OMA1: variants seen among roughly 807,000 people sequenced by gnomAD.
The protein encoded by OMA1 is OMA1 zinc metallopeptidase, also known as metalloendopeptidase OMA1, mitochondrial.
In OMA1, 38 loss-of-function variants were observed where a neutral mutation model predicts 30.9. The observed-to-expected ratio is 1.23, with a 90% CI of 0.95 to 1.61. OMA1 has a LOEUF of 1.61. Among genes scored for constraint, OMA1 ranks in the 40% most tolerant of loss-of-function variants. OMA1 has a pLI of 0.00. For missense variants in OMA1, 461 were observed against 349.2 expected (o/e 1.32, Z -2.55); for synonymous variants, 173 against 121.9 (o/e 1.42, Z -2.76).
chr1:58,531,384 A>G (rs1450468141), intron 5 of OMA1, among the ~76,000 whole-genome samples: 2 of 152,216 alleles, frequency 1.3e-5, no homozygotes, highest in Non-Finnish European at 2.9e-5. Context: ...ATCAGGTTCT[A>G]TGAATTTTTG....
Position 58,538,898 on chromosome 1 carries a change from T to C in OMA1, c.397A>G (p.Ile133Val), listed in dbSNP as rs1253050382. The C allele has an allele frequency of 4.6e-6, 4 of 872,878 alleles. No homozygotes were observed. Among genetic ancestry groups the C allele is most frequent in the South Asian group, 1.3e-5 (1 of 76,526 alleles). 54.1% of individuals were successfully genotyped at this position (872,878 alleles called of 1,614,324 possible). The change falls in exon 2 of 9, where the codon ATT (isoleucine) becomes GTT (valine). Residue 133 changes from isoleucine (I) to valine (V), a missense_variant. Coordinates refer to ENST00000371226, the MANE Select transcript of OMA1 (RefSeq NM_145243.5). ...CGTGGAGAAGTATGGAAATTCCTAA[T>C]AGCTCTTATGGAAGCAGGGCTTAGA... is the stretch of plus-strand genomic sequence containing the variant. ...HPLSPASIRA[I>V]RNFHTSPRFQ...
chr1:58,520,932 A>C (rs1013141178), intron 7 of OMA1, among the ~76,000 whole-genome samples: 2 of 152,228 alleles, frequency 1.3e-5, no homozygotes, highest in Non-Finnish European at 2.9e-5. Context: ...AGAAGATCTG[A>C]AACAACAAAA....
At chr1:58,529,701 T>A (rs114886410) in intron 6 of OMA1, among the ~76,000 whole-genome samples, 1 of 152,282 alleles carries the variant, frequency 6.6e-6, no homozygotes, top group Non-Finnish European at 1.5e-5. Flanking sequence ...ACCTGGTAGA[T>A]TCAACCAATT....
At position 58,538,883 on chromosome 1, in the gene OMA1, T is replaced by C. The variant is rs752796287; in HGVS notation, c.412A>G (p.Thr138Ala). ...GGAGCAGCTTGAAACCGTGGAGAAG[T>C]ATGGAAATTCCTAATAGCTCTTATG... ...ASIRAIRNFH[T>A]SPRFQAAPVP... Residue 138 changes from threonine (T) to alanine (A), a missense_variant, in exon 2 of 9, where the codon ACT becomes GCT. By Grantham distance (58) the Thr-to-Ala change is moderately conservative (BLOSUM62 0). Transcript: ENST00000371226. 24 of 872,714 alleles carry C rather than the reference T, an allele frequency of 2.8e-5. No homozygotes were observed. The African/African-American group carries it at 2.8e-4, about 10-fold the overall frequency. The allele number at this position is 872,714 out of a possible 1,614,324, so 54.1% of individuals were successfully genotyped here. A position where few individuals can be genotyped will look rare whatever the true frequency, so the allele number is the denominator to read the frequency against.
rs757650239 is a variant in OMA1, at chr1:58,481,101, C to A, written c.1439G>T (p.Ser480Ile). 1.1e-6 allele frequency: 1 copy of A among 871,834 alleles called. No homozygotes were observed. Among genetic ancestry groups the A allele is most frequent in the Non-Finnish European group, 2.0e-6 (1 of 501,204 alleles). 54.0% of individuals were successfully genotyped at this position (871,834 alleles called of 1,614,324 possible). The change falls in exon 9 of 9, where the codon AGC becomes ATC. Residue 480 changes from serine (S) to isoleucine (I), a missense_variant. Physicochemically the swap from Ser to Ile is moderately radical, Grantham distance 142. Coordinates refer to ENST00000371226, the MANE Select transcript of OMA1 (RefSeq NM_145243.5). ...NPDPRLLFKL[S>I]TKHFLEESEK... Reference sequence around the variant, plus strand: ...TGATTCTTCAAGAAAATGCTTCGTGCTGAGTTTGAATAGTAATCGAGGGTC... The same window carrying A: ...TGATTCTTCAAGAAAATGCTTCGTGATGAGTTTGAATAGTAATCGAGGGTC...
At chr1:58,541,293 C>CAAAAAAAAAAAAAAAAAAAAAAAAAAA (rs71043292) in intron 1 of OMA1, among the ~76,000 whole-genome samples, 2 of 27,572 alleles carry the variant, frequency 7.3e-5, no homozygotes, top group Admixed American at 8.1e-4. Flanking sequence ...GACTCTGTCT[C>CAAAAAAAAAAAAAAAAAAAAAAAAAAA]AAAAAAAAAA....
At position 58,481,103 on chromosome 1, in the gene OMA1, G is replaced by A. The variant is rs779870004; in HGVS notation, c.1437C>T (p.Leu479=). The change falls in exon 9 of 9, where the codon CTC becomes CTT. Residue 479 remains leucine, a synonymous_variant. Coordinates refer to ENST00000371226, the MANE Select transcript of OMA1 (RefSeq NM_145243.5). ...SNPDPRLLFK[L]STKHFLEESE... is the part of the protein sequence containing the mutation. ...ATTCTTCAAGAAAATGCTTCGTGCT[G>A]AGTTTGAATAGTAATCGAGGGTCTG... 1 of 871,894 alleles carries A rather than the reference G, an allele frequency of 1.1e-6. No homozygotes were observed. The highest frequency in any genetic ancestry group is 1.3e-5 in the South Asian group (1 of 76,514). 54.0% of individuals were successfully genotyped at this position (871,894 alleles called of 1,614,324 possible).
chr1:58,486,723 A>AT (rs1363775900), intron 8 of OMA1, among the ~76,000 whole-genome samples: 2 of 152,208 alleles, frequency 1.3e-5, no homozygotes, highest in African/African-American at 4.8e-5. Context: ...AAGGGAAGCG[A>AT]TTTAAGATTA....
At chr1:58,520,898 A>G (rs1646251591) in intron 7 of OMA1, among the ~76,000 whole-genome samples, 1 of 152,174 alleles carries the variant, frequency 6.6e-6, no homozygotes, top group African/African-American at 2.4e-5. Context: ...TACAAAAAAA[A>G]GGAAAAAAAA....
intron 1 of OMA1, among the ~76,000 whole-genome samples, chr1:58,540,227 A>G (rs994244029): frequency 6.6e-6 from 1 of 152,032 alleles, no homozygotes; most frequent in African/African-American, 2.4e-5. Flanking sequence ...CCTAACAAAT[A>G]TTAAAAGCAA....
intron 8 of OMA1, among the ~76,000 whole-genome samples, chr1:58,497,776 C>G (rs1012404933): frequency 1.3e-5 from 2 of 152,190 alleles, no homozygotes; most frequent in African/African-American, 4.8e-5. Context: ...AAACCTTACC[C>G]TTGCTCACTG....
At chr1:58,546,662 A>T (rs146674147) in intron 1 of OMA1, 41 bp downstream of exon 1, 1 of 151,144 alleles carries the variant, frequency 6.6e-6, no homozygotes, top group East Asian at 2.0e-4. Flanking sequence ...GCACGATCCT[A>T]CTCGGAAAAG....
At chr1:58,541,449 A>G (rs547287911) in intron 1 of OMA1, 20 of 149,888 alleles carry the variant, frequency 1.3e-4, no homozygotes, top group African/African-American at 4.6e-4. Flanking sequence ...GAGTTGTAGG[A>G]AAAAAGCAGC....
intron 7 of OMA1, among the ~76,000 whole-genome samples, chr1:58,520,163 G>C (rs1360381331): frequency 1.3e-5 from 2 of 152,206 alleles, no homozygotes; most frequent in Non-Finnish European, 2.9e-5. Context: ...CACTACCTCG[G>C]GGAGAGGATC....
At chr1:58,521,272 C>G (rs575814149) in intron 7 of OMA1, among the ~76,000 whole-genome samples, 7 of 151,092 alleles carry the variant, frequency 4.6e-5, no homozygotes, top group African/African-American at 1.7e-4. Flanking sequence ...ACCCTTGCAA[C>G]ATGACAAGTA....
intron 8 of OMA1, among the ~76,000 whole-genome samples, chr1:58,489,775 G>A (rs2100371465): frequency 6.6e-6 from 1 of 152,232 alleles, no homozygotes; most frequent in African/African-American, 2.4e-5. Context: ...AGCAACATTG[G>A]CTGTTCACCA....
intron 1 of OMA1, among the ~76,000 whole-genome samples, chr1:58,539,838 A>C (rs113268515): frequency 2.0e-5 from 3 of 152,294 alleles, no homozygotes; most frequent in African/African-American, 7.2e-5. Flanking sequence ...GGTGGAGCCC[A>C]GTGGTTCCCC....
intron 7 of OMA1, among the ~76,000 whole-genome samples, chr1:58,521,407 A>C (rs546678446): frequency 6.6e-6 from 1 of 152,060 alleles, no homozygotes; most frequent in Non-Finnish European, 1.5e-5. Context: ...AACCCAAAAA[A>C]TGAATGCAGA....
chr1:58,503,583 C>T (rs1645942412), intron 8 of OMA1, among the ~76,000 whole-genome samples: 1 of 151,958 alleles, frequency 6.6e-6, no homozygotes, highest in African/African-American at 2.4e-5. Flanking sequence ...CTTTGGGAGG[C>T]GATTGTCATA....
Sources: allele counts gnomAD v4.1 joint callset (sites outside exome capture counted in the v4.1 genomes callset), GRCh38; gene constraint gnomAD v4.1.1; transcripts MANE v1.5; gene names NCBI Gene and HGNC (gene_info 2026-07-23, HGNC 2026-07-21).